The following CNTN4 variants were observed in gnomAD, a reference collection of about 807,000 sequenced individuals.
CNTN4 encodes the protein contactin-4.
CNTN4 carries 77 observed loss-of-function variants against 122.5 expected under a neutral mutation model. That is an observed-to-expected ratio of 0.63 (90% confidence interval 0.52 to 0.76). The LOEUF (loss-of-function observed/expected upper bound fraction) is 0.76. CNTN4 is among the 30% of genes least tolerant of loss of function. The pLI is 0.00. For missense variants in CNTN4, 1,256 were observed against 1,259.1 expected (o/e 1.00, Z 0.04); for synonymous variants, 512 against 447.0 (o/e 1.15, Z -1.83).
intron 13 of CNTN4, 96 bp from the exon 14 acceptor site, chr3:2,988,249 T>G: frequency 8.5e-7 from 1 of 1,181,526 alleles, no homozygotes; most frequent in Non-Finnish European, 1.3e-6. Context: ...GTAGCAATGA[T>G]TTATGGTTTG....
At chr3:2,674,780 CAA>C (rs77564807) in intron 4 of CNTN4, among the ~76,000 whole-genome samples, 24,025 of 140,106 alleles carry the variant, frequency 0.17, 2,532 homozygotes, top group African/African-American at 0.32. Context: ...AACAAAAAAA[CAA>C]AAAAAAAAAA....
chr3:3,023,576 T>A (rs927002121), intron 14 of CNTN4, among the ~76,000 whole-genome samples: 1 of 152,172 alleles, frequency 6.6e-6, no homozygotes, highest in African/African-American at 2.4e-5. Flanking sequence ...CCAAAAGTTG[T>A]CAGGAGATAG....
intron 3 of CNTN4, among the ~76,000 whole-genome samples, chr3:2,552,745 A>G (rs1441788809): frequency 3.3e-5 from 5 of 152,188 alleles, no homozygotes; most frequent in Admixed American, 2.6e-4. Flanking sequence ...AAACAAAGCT[A>G]TGCAGGCAGT....
At chr3:2,496,615 G>A (rs1232080565) in intron 3 of CNTN4, among the ~76,000 whole-genome samples, 4 of 152,070 alleles carry the variant, frequency 2.6e-5, no homozygotes, top group Non-Finnish European at 4.4e-5. Flanking sequence ...AAGCAGAACA[G>A]AAGGCACCAT....
chr3:2,656,375 A>C (rs923528726), intron 4 of CNTN4, among the ~76,000 whole-genome samples: 1 of 152,234 alleles, frequency 6.6e-6, no homozygotes, highest in Non-Finnish European at 1.5e-5. Context: ...CCCAGATTAA[A>C]TTGCCCAGAA....
intron 4 of CNTN4, among the ~76,000 whole-genome samples, chr3:2,648,129 C>T (rs937357189): frequency 2.0e-5 from 3 of 152,106 alleles, no homozygotes; most frequent in Admixed American, 6.5e-5. Context: ...CCTTCAGAAC[C>T]ACCATCTAAA....
At chr3:2,565,612 C>T (rs62232662) in intron 3 of CNTN4, among the ~76,000 whole-genome samples, 8,979 of 152,122 alleles carry the variant, frequency 0.059, 308 homozygotes, top group African/African-American at 0.1. Flanking sequence ...TCCTTGTGGG[C>T]GGAGACCTTG....
intron 2 of CNTN4, among the ~76,000 whole-genome samples, chr3:2,108,504 A>G (rs1177361812): frequency 6.6e-6 from 1 of 152,208 alleles, no homozygotes; most frequent in East Asian, 1.9e-4. Context: ...CTTGCCTTCT[A>G]CATTGTAATA....
At chr3:2,888,961 G>T (rs894650620) in intron 10 of CNTN4, among the ~76,000 whole-genome samples, 1 of 150,786 alleles carries the variant, frequency 6.6e-6, no homozygotes, top group African/African-American at 2.4e-5. Flanking sequence ...TAGCCTGTCA[G>T]AATGGCCACC....
At chr3:2,353,744 A>C (rs1223530546) in intron 3 of CNTN4, among the ~76,000 whole-genome samples, 3 of 152,060 alleles carry the variant, frequency 2.0e-5, no homozygotes, top group Admixed American at 6.5e-5. Flanking sequence ...AAACACAAAA[A>C]CAAAATTAGC....
chr3:2,499,174 T>C (rs1240861144), intron 3 of CNTN4, among the ~76,000 whole-genome samples: 1 of 152,184 alleles, frequency 6.6e-6, no homozygotes, highest in East Asian at 1.9e-4. Context: ...TAAAATAGTT[T>C]TATATTTTAT....
intron 3 of CNTN4, among the ~76,000 whole-genome samples, chr3:2,370,116 A>G (rs1224717333): frequency 2.6e-5 from 4 of 152,138 alleles, no homozygotes; most frequent in Non-Finnish European, 5.9e-5. Context: ...TTTTGCTTTC[A>G]CATTCTCTCT....
intron 2 of CNTN4, among the ~76,000 whole-genome samples, chr3:2,211,447 C>G (rs544177578): frequency 6.6e-6 from 1 of 152,176 alleles, no homozygotes; most frequent in African/African-American, 2.4e-5. Context: ...CTACCGTATG[C>G]GTTGTGTAGT....
Position 2,808,981 on chromosome 3 carries a change from A to G in CNTN4, c.359-10505A>G, listed in dbSNP as rs145551771. Among the ~76,000 whole-genome samples, 92 of 152,394 alleles carry G rather than the reference A, an allele frequency of 6.0e-4. 4 individuals are homozygous for G. The highest frequency in any genetic ancestry group is 4.2e-3 in the East Asian group (22 of 5,184). On this transcript the variant is annotated intron_variant, in intron 6 of 24. Transcript: ENST00000418658. ...CCACAGCCTGTGAAACAGGAAGAAC[A>G]GCAGTGCTCAACAAGTACTAATTAA...
At chr3:2,429,780 T>C (rs1248012779) in intron 3 of CNTN4, among the ~76,000 whole-genome samples, 1 of 152,180 alleles carries the variant, frequency 6.6e-6, no homozygotes, top group East Asian at 1.9e-4. Flanking sequence ...GCCTCAGCAA[T>C]GGTGGGTGCC....
chr3:2,705,712 T>C (rs1342355540), intron 4 of CNTN4, among the ~76,000 whole-genome samples: 2 of 96,660 alleles, frequency 2.1e-5, no homozygotes, highest in South Asian at 3.4e-4. Context: ...AAATATATAA[T>C]ATATACAACA....
At chr3:2,153,127 A>G (rs1449263258) in intron 2 of CNTN4, among the ~76,000 whole-genome samples, 2 of 152,198 alleles carry the variant, frequency 1.3e-5, no homozygotes, top group African/African-American at 4.8e-5. Context: ...GTGAAGTGAA[A>G]TAGGGAGTTG....
intron 2 of CNTN4, among the ~76,000 whole-genome samples, chr3:2,179,511 T>C (rs943308690): frequency 2.0e-5 from 3 of 152,026 alleles, no homozygotes; most frequent in African/African-American, 7.2e-5. Context: ...CAAAAAATAT[T>C]ACCCTATTAA....
chr3:3,039,113 A>C, intron 19 of CNTN4, 110 bp downstream of exon 19: 1 of 977,558 alleles, frequency 1.0e-6, no homozygotes, highest in South Asian at 1.4e-5. Context: ...TAACAGTGAA[A>C]ATTCATTTGG....
Sources: gnomAD v4.1 joint callset for allele counts (sites outside exome capture counted in the v4.1 genomes callset) on GRCh38, gnomAD v4.1.1 for gene constraint, MANE v1.5 for transcripts, NCBI Gene and HGNC (gene_info 2026-07-23, HGNC 2026-07-21) for gene names.